EP400: variants seen among roughly 807,000 people sequenced by gnomAD.
EP400 encodes the protein E1A binding protein p400, also known as E1A-binding protein p400.
A neutral mutation model predicts 354.1 loss-of-function variants in EP400; 105 were observed. The ratio of observed to expected loss-of-function variants is 0.30; its 90% CI spans 0.25 to 0.35. The LOEUF is 0.35. Ranked by LOEUF, EP400 falls within the 10% of genes least tolerant of loss-of-function variation. EP400 has a pLI of 1.00. For synonymous variants in EP400, 1,646 were observed against 1,716.9 expected (o/e 0.96, Z 1.02); for missense variants, 3,280 against 4,121.0 (o/e 0.80, Z 5.59).
intron 45 of EP400, among the ~76,000 whole-genome samples, chr12:132,061,347 C>T (rs1895688160): frequency 6.6e-6 from 1 of 152,164 alleles, no homozygotes; most frequent in Admixed American, 6.5e-5. Context: ...CATACAGCAG[C>T]TGGGTGGAAT....
At chr12:131,966,198 T>C (rs1447382659) in intron 2 of EP400, among the ~76,000 whole-genome samples, 2 of 151,962 alleles carry the variant, frequency 1.3e-5, no homozygotes, top group African/African-American at 4.8e-5. Flanking sequence ...AAGACCAACC[T>C]GGGCCAGGCA....
chr12:132,062,630 G>A lies in EP400; in HGVS notation c.8263G>A (p.Val2755Met), dbSNP rs766024351. ...QQQQTTTTSQ[V>M]QVPQIQGQAQ... is the part of the protein sequence containing the mutation. ...GCAACAGACGACGACGACCTCTCAG[G>A]TGCAAGTTCCACAGATCCAGGGCCA... Residue 2755 changes from valine (V) to methionine (M), a missense_variant, in exon 47 of 53, where the codon GTG (valine) becomes ATG (methionine). By Grantham distance (21) the Val-to-Met change is conservative. Around this residue, in one of 20 missense-constraint regions of EP400, gnomAD observed 47 missense variants for 55.6 expected, o/e 0.85. Coordinates refer to ENST00000389561, the MANE Select transcript of EP400 (RefSeq NM_015409.5). The A allele has an allele frequency of 5.6e-6, 9 of 1,612,410 alleles. No individual in the cohort carries two copies. Among genetic ancestry groups the A allele is most frequent in the Non-Finnish European group, 6.8e-6 (8 of 1,179,006 alleles).
At chr12:132,065,663 T>G (rs1353511282) in intron 48 of EP400, 2 of 152,322 alleles carry the variant, frequency 1.3e-5, no homozygotes, top group Admixed American at 6.5e-5. Context: ...ACCCAGGTGC[T>G]CAGGCTAAGC....
chr12:132,053,414 A>G lies in EP400; in HGVS notation c.7545A>G (p.Pro2515=). The G allele has an allele frequency of 1.4e-6, 1 of 717,012 alleles. No homozygotes were observed. Among genetic ancestry groups the G allele is most frequent in the Non-Finnish European group, 1.7e-6 (1 of 582,746 alleles). 44.4% of individuals were successfully genotyped at this position (717,012 alleles called of 1,614,324 possible). A position where few individuals can be genotyped will look rare whatever the true frequency, so the allele number is the denominator to read the frequency against. Residue 2515 remains proline (P), a synonymous_variant, in exon 43 of 53, where the codon CCA becomes CCG. Coordinates refer to ENST00000389561, the MANE Select transcript of EP400 (RefSeq NM_015409.5). ...AQPPPPQPQP[P]PPPQQPPPPL... is the part of the protein sequence containing the mutation. Reference sequence around the variant, plus strand: ...CACCCCCGCCCCAGCCGCAGCCCCCACCACCCCCGCAGCAGCCACCGCCAC... The same window carrying G: ...CACCCCCGCCCCAGCCGCAGCCCCCGCCACCCCCGCAGCAGCCACCGCCAC...
intron 32 of EP400, among the ~76,000 whole-genome samples, chr12:132,039,302 G>A: frequency 6.6e-6 from 1 of 152,202 alleles, no homozygotes; most frequent in Non-Finnish European, 1.5e-5. Context: ...GATTCTGATG[G>A]CAGCAGAGTT....
At chr12:132,005,765 G>A (rs1257787688) in intron 13 of EP400, among the ~76,000 whole-genome samples, 2 of 151,582 alleles carry the variant, frequency 1.3e-5, no homozygotes, top group African/African-American at 4.9e-5. Flanking sequence ...TTTCTTTCTT[G>A]GTGATAGACG....
chr12:132,024,049 C>T (rs1227395562), intron 24 of EP400, 108 bp downstream of exon 24: 6 of 1,251,862 alleles, frequency 4.8e-6, no homozygotes, highest in Non-Finnish European at 3.2e-6. Context: ...CAGGCTTTTC[C>T]CTGTGTCCGA....
At chr12:132,047,007 G>C (rs1237192831) in intron 39 of EP400, among the ~76,000 whole-genome samples, 1 of 152,222 alleles carries the variant, frequency 6.6e-6, no homozygotes, top group East Asian at 1.9e-4. Flanking sequence ...CAGGCATCCA[G>C]TACTTTTATT....
intron 45 of EP400, among the ~76,000 whole-genome samples, chr12:132,057,935 C>G (rs1419510559): frequency 6.6e-6 from 1 of 152,192 alleles, no homozygotes; most frequent in Non-Finnish European, 1.5e-5. Context: ...GACATTCTTC[C>G]TGGCACTGTG....
In EP400 at chr12:131,963,771, T is replaced by TA. The variant is rs1182398503; in HGVS notation, c.1335+1823dup. ...GAGCCCATTTCTTATTTTTCAACAG[T>TA]AAAAAATCTTCCTGCGTATACAATT... On this transcript the variant is annotated intron_variant, in intron 2 of 52. Transcript: ENST00000389561. 3.4e-5 allele frequency: 22 copies of TA among 656,242 alleles called. No individual in the cohort carries two copies. The East Asian group carries it at 4.7e-4, about 14-fold the overall frequency. The allele number at this position is 656,242 out of a possible 1,614,324, so 40.7% of individuals were successfully genotyped here.
chr12:132,011,498 G>T lies in EP400; in HGVS notation c.3305G>T (p.Gly1102Val). ...AFFAHLACNE[G>V]NWGPHLVVVR... ...GAAAATTCTGTTTTTTGCTTTGTAG[G>T]TAATTGGGGCCCCCATCTTGTTGTT... Residue 1102 changes from glycine (G) to valine (V), a missense_variant and splice_region_variant, in exon 16 of 53, where the codon GGT becomes GTT. By Grantham distance (109) the Gly-to-Val change is moderately radical (BLOSUM62 -3). Around this residue, in one of 20 missense-constraint regions of EP400, gnomAD observed 242 missense variants for 357.9 expected, o/e 0.68. Coordinates refer to ENST00000389561, the MANE Select transcript of EP400 (RefSeq NM_015409.5). The T allele has an allele frequency of 6.2e-7, 1 of 1,610,910 alleles. No individual in the cohort carries two copies. Among genetic ancestry groups the T allele is most frequent in the Non-Finnish European group, 8.5e-7 (1 of 1,179,148 alleles).
In EP400 at chr12:132,077,712, A is replaced by G. The variant is rs771485107; in HGVS notation, c.*39A>G. ...GCTGCCTCTCATCTAAAGCAAAACT[A>G]CCTTCCTCACAGAAAACGCTTTATT... On this transcript the variant is annotated 3_prime_UTR_variant, in exon 53 of 53. Coordinates refer to ENST00000389561, the MANE Select transcript of EP400 (RefSeq NM_015409.5). 10 of 1,531,536 alleles carry G rather than the reference A, an allele frequency of 6.5e-6. No homozygotes were observed. In the South Asian group the frequency reaches 1.0e-4, roughly 16 times the overall value. The allele number at this position is 1,531,536 out of a possible 1,614,324, so 94.9% of individuals were successfully genotyped here.
chr12:131,967,563 C>T (rs979979151), intron 2 of EP400, among the ~76,000 whole-genome samples: 3 of 151,156 alleles, frequency 2.0e-5, no homozygotes, highest in Non-Finnish European at 4.4e-5. Context: ...AGTGGCGTGC[C>T]GCTGTAGTCC....
Position 131,961,082 on chromosome 12 carries a change from C to G in EP400, c.463C>G (p.Pro155Ala). Residue 155 changes from proline (P) to alanine (A), a missense_variant, in exon 2 of 53, where the codon CCT (proline) becomes GCT (alanine). By Grantham distance (27) the Pro-to-Ala change is conservative. Coordinates refer to ENST00000389561, the MANE Select transcript of EP400 (RefSeq NM_015409.5). Reference sequence around the variant, plus strand: ...CTTGCAGAATGTGCGTGCAGGTGCCCCTGGCCCTGGGCTGGGCCTCTGCAG... The same window carrying G: ...CTTGCAGAATGTGCGTGCAGGTGCCGCTGGCCCTGGGCTGGGCCTCTGCAG... Reference protein sequence around the residue: ...QALQNVRAGAPGPGLGLCSSS... With the variant: ...QALQNVRAGAAGPGLGLCSSS... 1 of 1,597,832 alleles carries G rather than the reference C, an allele frequency of 6.3e-7. No homozygotes were observed.
chr12:131,964,728 CA>C (rs1448858317), intron 2 of EP400, among the ~76,000 whole-genome samples: 1 of 152,180 alleles, frequency 6.6e-6, no homozygotes, highest in Non-Finnish European at 1.5e-5. Flanking sequence ...TCTAAAACAT[CA>C]TATCCTATTC....
At position 132,006,733 on chromosome 12, in the gene EP400, G is replaced by T. The variant is rs1466104051; in HGVS notation, c.3160G>T (p.Ala1054Ser). The T allele has an allele frequency of 1.2e-6, 2 of 1,611,186 alleles. No homozygotes were observed. The highest frequency in any genetic ancestry group is 1.7e-6 in the Non-Finnish European group (2 of 1,179,222). Residue 1054 changes from alanine to serine, a missense_variant, in exon 15 of 53, where the codon GCT becomes TCT. Ala to Ser is a moderately conservative substitution (Grantham distance 99). This residue lies in a region of EP400 where 800 missense variants were observed against 840.0 expected (regional missense o/e 0.95). Transcript: ENST00000389561. ...KFNAPSLLYGALRDYQKIGLD... is the reference protein window; with the variant it reads ...KFNAPSLLYGSLRDYQKIGLD... Reference sequence around the variant, plus strand: ...TAATGCTCCATCTTTGTTGTATGGGGCTCTCAGAGATTATCAGAAGATTGG... The same window carrying T: ...TAATGCTCCATCTTTGTTGTATGGGTCTCTCAGAGATTATCAGAAGATTGG...
At chr12:131,959,449 G>A (rs973835746) in intron 1 of EP400, among the ~76,000 whole-genome samples, 22 of 152,154 alleles carry the variant, frequency 1.4e-4, no homozygotes, top group African/African-American at 5.3e-4. Flanking sequence ...CTGTAGCCCA[G>A]GTCTGACCCT....
In EP400 at chr12:132,054,951, A is replaced by G; in HGVS notation, c.7729-23A>G. 6.2e-7 allele frequency: 1 copy of G among 1,604,502 alleles called. No individual in the cohort carries two copies. Among genetic ancestry groups the G allele is most frequent in the Non-Finnish European group, 8.5e-7 (1 of 1,171,658 alleles). ...GGGGAGAGCCTGACGTGAAATTCAAATGGATTTTTTTTTTTTAAATAGGCA... is the reference window on the plus strand; with the variant it reads ...GGGGAGAGCCTGACGTGAAATTCAAGTGGATTTTTTTTTTTTAAATAGGCA... On this transcript the variant is annotated intron_variant, in intron 43 of 52. Coordinates refer to ENST00000389561, the MANE Select transcript of EP400 (RefSeq NM_015409.5). The surrounding 1 kb of genome is among the most constrained non-coding windows in gnomAD (Gnocchi z 4.0).
chr12:132,012,581 C>T (rs1893801976), intron 16 of EP400, among the ~76,000 whole-genome samples: 1 of 152,194 alleles, frequency 6.6e-6, no homozygotes, highest in Admixed American at 6.5e-5. Flanking sequence ...CACATTCAAG[C>T]CATAGTACTA....
Sources: allele counts gnomAD v4.1 joint callset (sites outside exome capture counted in the v4.1 genomes callset), GRCh38; gene constraint gnomAD v4.1.1; regional missense constraint gnomAD v4.1.1; non-coding constraint Gnocchi (gnomAD v3.1); transcripts MANE v1.5; gene names NCBI Gene and HGNC (gene_info 2026-07-23, HGNC 2026-07-21).